Variants in CSMD1 observed in about 807,000 individuals in gnomAD.
The protein encoded by CSMD1 is CUB and sushi domain-containing protein 1.
A neutral mutation model predicts 417.5 loss-of-function variants in CSMD1; 213 were observed. That is an observed-to-expected ratio of 0.51 (90% CI 0.46 to 0.57). The LOEUF (loss-of-function observed/expected upper bound fraction) is 0.57, where lower values mean the gene tolerates loss of function less well. CSMD1 is among the 20% of genes least tolerant of loss of function. CSMD1 has a pLI of 0.00. For missense variants in CSMD1, 6,923 were observed against 4,529.7 expected (o/e 1.53, Z -15.17); for synonymous variants, 2,862 against 1,736.8 (o/e 1.65, Z -16.11).
intron 50 of CSMD1, among the ~76,000 whole-genome samples, chr8:3,050,512 C>G (rs536479347): frequency 6.6e-6 from 1 of 152,190 alleles, no homozygotes; most frequent in Non-Finnish European, 1.5e-5. Context: ...CAAACATATA[C>G]ATATTGCCAT....
At chr8:3,290,980 T>A (rs1039610355) in intron 25 of CSMD1, among the ~76,000 whole-genome samples, 1 of 152,176 alleles carries the variant, frequency 6.6e-6, no homozygotes, top group African/African-American at 2.4e-5. Flanking sequence ...ATAGCTCTTA[T>A]TATTTTGAGA....
intron 53 of CSMD1, 51 bp from the exon 54 acceptor site, chr8:2,998,235 T>G (rs1563220190): frequency 6.4e-7 from 1 of 1,569,000 alleles, no homozygotes. Context: ...AGGTCATCAC[T>G]TTCCCTTGGG....
chr8:4,551,252 T>C (rs1410369915), intron 2 of CSMD1, among the ~76,000 whole-genome samples: 1 of 120,368 alleles, frequency 8.3e-6, no homozygotes, highest in Non-Finnish European at 2.0e-5. Context: ...AGAGGCAGGC[T>C]ATCTTTTTAT....
rs1473842479 is a variant in CSMD1, at chr8:3,076,045, C to T, written c.7474+11052G>A. On this transcript the variant is annotated intron_variant, in intron 49 of 69. Transcript: ENST00000635120. ...TAGCCTGGGCGACAGAGCGAGACTC[C>T]GTCTCAAAAAAAAGAAAAAAAAAAA... Among the ~76,000 whole-genome samples, 8 of 141,816 alleles carry T rather than the reference C, an allele frequency of 5.6e-5. No individual in the cohort carries two copies. The East Asian group carries it at 1.0e-3, about 18-fold the overall frequency. The allele number at this position is 141,816 out of a possible 152,430, so 93.0% of individuals were successfully genotyped here. A position where few individuals can be genotyped will look rare whatever the true frequency, so the allele number is the denominator to read the frequency against.
intron 3 of CSMD1, among the ~76,000 whole-genome samples, chr8:4,227,505 G>C (rs188325895): frequency 6.6e-6 from 1 of 152,028 alleles, no homozygotes; most frequent in South Asian, 2.1e-4. Context: ...CTGGAGGAGC[G>C]CATTAAATCC....
chr8:3,432,636 T>A lies in CSMD1; in HGVS notation c.1562-23031A>T, dbSNP rs1293536331. 3.3e-5 allele frequency among the ~76,000 whole-genome samples: 5 copies of A among 151,240 alleles called. No homozygotes were observed. The East Asian group carries it at 7.9e-4, about 24-fold the overall frequency. ...GATCAAGAGATTCTCCTGCCTCAGCTTCCTGAGTAGCTGGGACTACAGGCG... is the reference window on the plus strand; with the variant it reads ...GATCAAGAGATTCTCCTGCCTCAGCATCCTGAGTAGCTGGGACTACAGGCG... On this transcript the variant is annotated intron_variant, in intron 12 of 69. Coordinates refer to ENST00000635120, the MANE Select transcript of CSMD1 (RefSeq NM_033225.6).
intron 2 of CSMD1, among the ~76,000 whole-genome samples, chr8:4,467,968 G>C (rs867097833): frequency 6.6e-6 from 1 of 152,128 alleles, no homozygotes; most frequent in Admixed American, 6.5e-5. Context: ...GGTTTACAAG[G>C]CTTGACTAAG....
At chr8:4,799,222 G>C (rs540437250) in intron 1 of CSMD1, among the ~76,000 whole-genome samples, 2 of 152,260 alleles carry the variant, frequency 1.3e-5, no homozygotes, top group East Asian at 3.9e-4. Flanking sequence ...AAAACTGTAA[G>C]AGTGAAACGG....
At chr8:3,369,402 C>G (rs377540984) in intron 18 of CSMD1, 32 bp from the exon 19 acceptor site, 50 of 1,008,168 alleles carry the variant, frequency 5.0e-5, no homozygotes, top group Non-Finnish European at 7.3e-5. Context: ...GATTACAGCA[C>G]TAAAGTTTCA....
rs370699673 is a variant in CSMD1, at chr8:4,947,089, T to A, written c.85+47243A>T. 2.4e-4 allele frequency among the ~76,000 whole-genome samples: 36 copies of A among 152,338 alleles called. 1 individual carries two copies. The East Asian group carries it at 6.0e-3, about 25-fold the overall frequency. On this transcript the variant is annotated intron_variant, in intron 1 of 69. Coordinates refer to ENST00000635120, the MANE Select transcript of CSMD1 (RefSeq NM_033225.6). ...AATTTGTAATAGGATAATCCATTTG[T>A]AGTTACATAGTCATCTATAACTACT...
chr8:4,470,437 G>T (rs1800460267), intron 2 of CSMD1, among the ~76,000 whole-genome samples: 1 of 152,216 alleles, frequency 6.6e-6, no homozygotes, highest in African/African-American at 2.4e-5. Flanking sequence ...TGATAGTGCT[G>T]CTATGTAGAC....
At chr8:4,153,458 T>A (rs1252220566) in intron 3 of CSMD1, among the ~76,000 whole-genome samples, 1 of 152,208 alleles carries the variant, frequency 6.6e-6, no homozygotes, top group Non-Finnish European at 1.5e-5. Context: ...AGCCAGTGGA[T>A]AAGGTTCTGC....
At chr8:3,938,060 T>C (rs1009206419) in intron 5 of CSMD1, among the ~76,000 whole-genome samples, 2 of 152,114 alleles carry the variant, frequency 1.3e-5, no homozygotes, top group African/African-American at 4.8e-5. Context: ...CTTCCAACAA[T>C]ATTCTGGGGA....
chr8:4,976,664 G>A (rs750825081), intron 1 of CSMD1, among the ~76,000 whole-genome samples: 4 of 152,096 alleles, frequency 2.6e-5, no homozygotes, highest in Non-Finnish European at 5.9e-5. Flanking sequence ...ACCCTAAATA[G>A]GATGAGAAGG....
chr8:4,826,324 T>C (rs1799824256), intron 1 of CSMD1, among the ~76,000 whole-genome samples: 1 of 152,208 alleles, frequency 6.6e-6, no homozygotes, highest in African/African-American at 2.4e-5. Flanking sequence ...TGTGTGTGTA[T>C]ATATACATAT....
At chr8:4,784,511 G>T (rs1797304526) in intron 1 of CSMD1, among the ~76,000 whole-genome samples, 1 of 152,160 alleles carries the variant, frequency 6.6e-6, no homozygotes, top group African/African-American at 2.4e-5. Flanking sequence ...ATCTTCACTG[G>T]ATGAGAGGAG....
intron 1 of CSMD1, among the ~76,000 whole-genome samples, chr8:4,753,518 A>G (rs561364922): frequency 9.3e-4 from 141 of 151,472 alleles, no homozygotes; most frequent in Non-Finnish European, 5.0e-4. Flanking sequence ...ACAAGCCCAC[A>G]CTCGTTGCTC....
At chr8:3,001,226 G>T (rs1410877957) in intron 52 of CSMD1, among the ~76,000 whole-genome samples, 1 of 151,990 alleles carries the variant, frequency 6.6e-6, no homozygotes, top group Non-Finnish European at 1.5e-5. Context: ...CAACTCCTGA[G>T]CTTAAGCAAT....
intron 3 of CSMD1, among the ~76,000 whole-genome samples, chr8:4,398,978 A>C (rs935111681): frequency 6.6e-6 from 1 of 152,254 alleles, no homozygotes; most frequent in African/African-American, 2.4e-5. Flanking sequence ...TCCAGGAAAC[A>C]GTCAAAATTA....
Sources: allele counts gnomAD v4.1 joint callset (sites outside exome capture counted in the v4.1 genomes callset), GRCh38; gene constraint gnomAD v4.1.1; transcripts MANE v1.5; gene names NCBI Gene and HGNC (gene_info 2026-07-23, HGNC 2026-07-21).